The following UNC13C variants were observed in gnomAD, a reference collection of about 807,000 sequenced individuals.
UNC13C encodes protein unc-13 homolog C.
In UNC13C, 174 loss-of-function variants were observed where a neutral mutation model predicts 245.4. That is an observed-to-expected ratio of 0.71 (90% CI 0.63 to 0.80). The LOEUF is 0.80. UNC13C is among the 30% of genes least tolerant of loss of function. The pLI is 0.00. For synonymous variants in UNC13C, 992 were observed against 895.1 expected (o/e 1.11, Z -1.93); for missense variants, 2,829 against 2,602.9 (o/e 1.09, Z -1.89).
At chr15:54,300,098 A>G in intron 12 of UNC13C, 112 bp from the exon 13 acceptor site, 1 of 923,134 alleles carries the variant, frequency 1.1e-6, no homozygotes, top group Non-Finnish European at 1.6e-6. Flanking sequence ...GCAGATGCTG[A>G]TGAAACATTA....
At chr15:54,419,525 G>C (rs1470728527) in intron 19 of UNC13C, among the ~76,000 whole-genome samples, 2 of 152,154 alleles carry the variant, frequency 1.3e-5, no homozygotes, top group Non-Finnish European at 2.9e-5. Flanking sequence ...AGCCCACTGA[G>C]CTGGTATTAG....
chr15:54,484,525 A>G (rs1274799186), intron 19 of UNC13C, among the ~76,000 whole-genome samples: 1 of 151,642 alleles, frequency 6.6e-6, no homozygotes, highest in Admixed American at 6.7e-5. Flanking sequence ...TCAGTAAAGT[A>G]AGTAAATAAC....
intron 19 of UNC13C, among the ~76,000 whole-genome samples, chr15:54,429,145 C>T (rs1212243916): frequency 1.3e-5 from 2 of 151,624 alleles, no homozygotes; most frequent in Non-Finnish European, 3.0e-5. Context: ...TTCATCATTG[C>T]AAAAAGAATC....
intron 17 of UNC13C, among the ~76,000 whole-genome samples, chr15:54,359,364 C>T (rs889534193): frequency 6.6e-6 from 1 of 151,812 alleles, no homozygotes; most frequent in Non-Finnish European, 1.5e-5. Flanking sequence ...CCCACCTCTT[C>T]AATTTTTTAT....
chr15:53,948,377 T>A, the UNC13C span: 1 of 152,176 alleles, frequency 6.6e-6, no homozygotes, highest in African/African-American at 2.4e-5. Flanking sequence ...AGCACTTTGG[T>A]AGGCCGAGGG....
chr15:53,882,452 G>C, the UNC13C span, among the ~76,000 whole-genome samples: 3 of 152,038 alleles, frequency 2.0e-5, no homozygotes, highest in South Asian at 2.1e-4. Context: ...ATTTGAGTTT[G>C]TATATATTTG....
At chr15:53,905,773 C>CCA in the UNC13C span, among the ~76,000 whole-genome samples, 37 of 151,288 alleles carry the variant, frequency 2.4e-4, no homozygotes, top group Admixed American at 1.5e-3. Flanking sequence ...AATGTTCTCA[C>CCA]CACACACACA....
chr15:54,248,522 T>C (rs1471842682), intron 7 of UNC13C, among the ~76,000 whole-genome samples: 2 of 152,192 alleles, frequency 1.3e-5, no homozygotes, highest in Non-Finnish European at 2.9e-5. Flanking sequence ...CAGTTCTTTA[T>C]AAGACATCTT....
At chr15:53,901,396 A>AT in the UNC13C span, among the ~76,000 whole-genome samples, 22,135 of 146,866 alleles carry the variant, frequency 0.15, 1,810 homozygotes, top group South Asian at 0.2. Context: ...TTTTTTTTGT[A>AT]TTTTTTTTTT....
intron 19 of UNC13C, among the ~76,000 whole-genome samples, chr15:54,469,087 T>C (rs1892322434): frequency 6.6e-6 from 1 of 151,618 alleles, no homozygotes; most frequent in Non-Finnish European, 1.5e-5. Flanking sequence ...GTCTATTTTC[T>C]CATGTTACCT....
At chr15:53,964,221 G>T in the UNC13C span, among the ~76,000 whole-genome samples, 4 of 152,150 alleles carry the variant, frequency 2.6e-5, no homozygotes, top group Admixed American at 1.3e-4. Context: ...AATGGTGTAT[G>T]CAGGGGCTAC....
At chr15:54,624,031 T>C in intron 32 of UNC13C, 77 bp downstream of exon 32, 1 of 1,553,916 alleles carries the variant, frequency 6.4e-7, no homozygotes, top group Non-Finnish European at 8.8e-7. Context: ...GGATTTGGAG[T>C]GTGAAGGGCT....
intron 1 of UNC13C, among the ~76,000 whole-genome samples, chr15:54,006,450 A>T (rs1895140498): frequency 6.6e-6 from 1 of 152,158 alleles, no homozygotes; most frequent in Admixed American, 6.5e-5. Flanking sequence ...TTGTTGAAAT[A>T]TTTTAATATT....
chr15:53,972,731 T>C, the UNC13C span: 6 of 152,184 alleles, frequency 3.9e-5, no homozygotes, highest in Non-Finnish European at 8.8e-5. Context: ...TCAGTGCATA[T>C]TGAATAACTC....
intron 2 of UNC13C, among the ~76,000 whole-genome samples, chr15:54,027,423 CAGTGGCAGG>C (rs2095716922): frequency 6.6e-6 from 1 of 151,966 alleles, no homozygotes; most frequent in Admixed American, 6.6e-5. Flanking sequence ...GGGTGGAGTG[CAGTGGCAGG>C]ATCTCGGCTC....
chr15:53,970,449 G>A, the UNC13C span, among the ~76,000 whole-genome samples: 1 of 152,084 alleles, frequency 6.6e-6, no homozygotes. Context: ...TCCATTGATG[G>A]GCATTTGAGT....
chr15:53,955,266 T>TACAC, the UNC13C span, among the ~76,000 whole-genome samples: 1,689 of 149,664 alleles, frequency 0.011, 32 homozygotes, highest in South Asian at 0.042. Context: ...GACTTTTTCT[T>TACAC]ACACACACAC....
chr15:54,387,341 G>T (rs766563677), intron 17 of UNC13C, among the ~76,000 whole-genome samples: 13 of 152,084 alleles, frequency 8.5e-5, no homozygotes, highest in Non-Finnish European at 1.3e-4. Flanking sequence ...GGAACTGAGG[G>T]TTTCTTTCCT....
chr15:54,606,855 A>G (rs1055669799), intron 30 of UNC13C, among the ~76,000 whole-genome samples: 10 of 152,196 alleles, frequency 6.6e-5, no homozygotes, highest in African/African-American at 2.4e-4. Context: ...AATTACATGG[A>G]TGAATGTGGC....
Sources: gnomAD v4.1 joint callset for allele counts (sites outside exome capture counted in the v4.1 genomes callset) on GRCh38, gnomAD v4.1.1 for gene constraint, MANE v1.5 for transcripts, NCBI Gene and HGNC (gene_info 2026-07-23, HGNC 2026-07-21) for gene names.